The following ARHGEF16 variants were observed in gnomAD, a reference collection of about 807,000 sequenced individuals.
ARHGEF16 encodes Rho guanine nucleotide exchange factor 16.
ARHGEF16 carries 59 observed loss-of-function variants against 74.1 expected under a neutral mutation model. The ratio of observed to expected loss-of-function variants is 0.80; its 90% CI spans 0.65 to 0.99. The LOEUF (loss-of-function observed/expected upper bound fraction) is 0.99, where lower values mean the gene tolerates loss of function less well. Among genes scored for constraint, ARHGEF16 ranks in the 50% least tolerant of loss-of-function variants. The pLI, the probability that ARHGEF16 is intolerant of heterozygous loss-of-function variation, is 0.00. For missense variants in ARHGEF16, 948 were observed against 986.6 expected, an observed-to-expected ratio of 0.96 and a Z score of 0.52; for synonymous variants, 415 against 412.6, an observed-to-expected ratio of 1.01 and a Z score of -0.07.
Position 3,460,674 on chromosome 1 carries a change from C to T in ARHGEF16, c.-19-2392C>T, listed in dbSNP as rs79162847. Among the ~76,000 whole-genome samples, 920 of 152,238 alleles carry T rather than the reference C, an allele frequency of 6.0e-3. 5 individuals carry two copies. The highest frequency in any genetic ancestry group is 9.5e-3 in the Admixed American group (146 of 15,288). ...GCCGGGCCTGGGTAAAACGCAGACA[C>T]CCTACTGTGAGCGGGTGATCCTGGG... On this transcript the variant is annotated intron_variant, in intron 1 of 14. Transcript: ENST00000378378.
At chr1:3,456,119 G>A (rs1003951989) in intron 1 of ARHGEF16, among the ~76,000 whole-genome samples, 3 of 152,198 alleles carry the variant, frequency 2.0e-5, no homozygotes, top group Non-Finnish European at 4.4e-5. Context: ...CCTGGACACT[G>A]GGGAGAAACC....
Position 3,477,900 on chromosome 1 carries a change from G to C in ARHGEF16, c.1499G>C (p.Arg500Pro). ...TCCCTCCCACTGATCTCTGCCTCCC[G>C]GTGGCTGCTGAAGCGCGGAGAGCTG... Reference protein sequence around the residue: ...VKSLPLISASRWLLKRGELFL... With the variant: ...VKSLPLISASPWLLKRGELFL... Residue 500 changes from arginine (R) to proline (P), a missense_variant, in exon 11 of 15, where the codon CGG becomes CCG. Arg to Pro is a moderately radical substitution (Grantham distance 103, BLOSUM62 -2). Coordinates refer to ENST00000378378, the MANE Select transcript of ARHGEF16 (RefSeq NM_014448.4). The C allele has an allele frequency of 6.2e-7, 1 of 1,612,512 alleles. No homozygotes were observed. Among genetic ancestry groups the C allele is most frequent in the Non-Finnish European group, 8.5e-7 (1 of 1,179,850 alleles).
At position 3,463,624 on chromosome 1, in the gene ARHGEF16, G is replaced by A. The variant is rs868411672; in HGVS notation, c.540G>A (p.Leu180=). 9.4e-5 allele frequency: 135 copies of A among 1,429,144 alleles called. No individual in the cohort carries two copies. The Middle Eastern group carries it at 2.8e-3, about 29-fold the overall frequency. The allele number at this position is 1,429,144 out of a possible 1,614,324, so 88.5% of individuals were successfully genotyped here. A position where few individuals can be genotyped will look rare whatever the true frequency, so the allele number is the denominator to read the frequency against. The change falls in exon 2 of 15, where the codon CTG becomes CTA. Residue 180 remains leucine, a synonymous_variant. Coordinates refer to ENST00000378378, the MANE Select transcript of ARHGEF16 (RefSeq NM_014448.4). ...AGCTAAGCCCTAAGCTCCAGGCTCTGGCTGAGGAACCCAGCCAGCCTCATA... is the reference window on the plus strand; with the variant it reads ...AGCTAAGCCCTAAGCTCCAGGCTCTAGCTGAGGAACCCAGCCAGCCTCATA... ...AIQLSPKLQA[L]AEEPSQPHTR... is the part of the protein sequence containing the mutation.
At chr1:3,471,619 G>A (rs61759241) in intron 6 of ARHGEF16, 27,766 of 1,152,206 alleles carry the variant, frequency 0.024, 337 homozygotes, top group Non-Finnish European at 0.027. Flanking sequence ...TGTTCTCTGA[G>A]CTCTGTGTCC....
At position 3,474,586 on chromosome 1, in the gene ARHGEF16, G is replaced by A. The variant is rs561378827; in HGVS notation, c.1306-122G>A. 103 of 880,438 alleles carry A rather than the reference G, an allele frequency of 1.2e-4. No individual in the cohort carries two copies. The African/African-American group carries it at 1.3e-3, about 12-fold the overall frequency. The allele number at this position is 880,438 out of a possible 1,614,324, so 54.5% of individuals were successfully genotyped here. A position where few individuals can be genotyped will look rare whatever the true frequency, so the allele number is the denominator to read the frequency against. On this transcript the variant is annotated intron_variant, in intron 8 of 14. Transcript: ENST00000378378. ...GCTGTACGTGCTGTGGGGCCCTGCA[G>A]GAGCCCCCTGGGGGCAGCTGTTGAC...
chr1:3,462,826 C>T (rs1373674802), intron 1 of ARHGEF16, among the ~76,000 whole-genome samples: 1 of 152,202 alleles, frequency 6.6e-6, no homozygotes, highest in Non-Finnish European at 1.5e-5. Context: ...GGAGAACCAG[C>T]GCCTGCCCAG....
rs1438225464 is a variant in ARHGEF16, at chr1:3,473,533, G to C, written c.1305+11G>C. 14 of 1,605,292 alleles carry C rather than the reference G, an allele frequency of 8.7e-6. No homozygotes were observed. The South Asian group carries it at 1.1e-4, about 13-fold the overall frequency. On this transcript the variant is annotated intron_variant, in intron 8 of 14. Transcript: ENST00000378378. ...CCCCTCCTGATGGATGTAAGTCCAC[G>C]GCCTGAGGGTGGGGCCGGGCATACC...
chr1:3,462,965 C>T, intron 1 of ARHGEF16, 101 bp from the exon 2 acceptor site: 1 of 820,664 alleles, frequency 1.2e-6, no homozygotes, highest in Non-Finnish European at 1.8e-6. Context: ...GGGAGCTGTA[C>T]TGGAGCCCCG....
intron 1 of ARHGEF16, among the ~76,000 whole-genome samples, chr1:3,458,034 C>T (rs1639304849): frequency 6.6e-6 from 1 of 152,180 alleles, no homozygotes; most frequent in African/African-American, 2.4e-5. Context: ...GAGCCAAGTC[C>T]CCTTGCAAGT....
At chr1:3,478,194 C>G in intron 11 of ARHGEF16, 168 bp downstream of exon 11, 1 of 1,049,232 alleles carries the variant, frequency 9.5e-7, no homozygotes, top group Non-Finnish European at 1.4e-6. Flanking sequence ...GCAGGTGGCG[C>G]TCGCTGTGCA....
intron 14 of ARHGEF16, 48 bp from the exon 15 acceptor site, chr1:3,480,400 G>A: frequency 6.2e-7 from 1 of 1,606,238 alleles, no homozygotes; most frequent in Non-Finnish European, 8.5e-7. Flanking sequence ...GGGGCCGGGG[G>A]ACCCACGGCC....
chr1:3,457,242 G>A (rs1453506687), intron 1 of ARHGEF16, among the ~76,000 whole-genome samples: 1 of 152,242 alleles, frequency 6.6e-6, no homozygotes. Flanking sequence ...GAGTACAAGG[G>A]CATCATTGTA....
At chr1:3,472,473 G>T (rs986647756) in intron 6 of ARHGEF16, among the ~76,000 whole-genome samples, 1 of 152,230 alleles carries the variant, frequency 6.6e-6, no homozygotes, top group Admixed American at 6.5e-5. Flanking sequence ...CCCTCAGAAC[G>T]GGGTGGGGGA....
intron 6 of ARHGEF16, among the ~76,000 whole-genome samples, chr1:3,470,629 GCAGGGATGTC>G (rs1639685354): frequency 6.7e-6 from 1 of 149,482 alleles, no homozygotes; most frequent in African/African-American, 2.5e-5. Context: ...GTGTGCGTGG[GCAGGGATGTC>G]TGTGTATCTG....
chr1:3,475,942 C>T, intron 9 of ARHGEF16, 28 bp from the exon 10 acceptor site: 10 of 1,543,032 alleles, frequency 6.5e-6, no homozygotes, highest in Non-Finnish European at 8.8e-6. Context: ...GTAGCACCAG[C>T]CTCTCACACG....
At position 3,467,350 on chromosome 1, in the gene ARHGEF16, G is replaced by A; in HGVS notation, c.804+13G>A. 6.5e-7 allele frequency: 1 copy of A among 1,543,096 alleles called. No individual in the cohort carries two copies. Among genetic ancestry groups the A allele is most frequent in the Middle Eastern group, 1.7e-4 (1 of 5,898 alleles). On this transcript the variant is annotated intron_variant, in intron 4 of 14. Transcript: ENST00000378378. ...CCAGCTCCCAGAGGTAGCGCCGGAG[G>A]GTGGGTGAGGCTGCCCCACAGAGGC...
chr1:3,461,435 C>T (rs764008824), intron 1 of ARHGEF16, among the ~76,000 whole-genome samples: 7 of 152,194 alleles, frequency 4.6e-5, no homozygotes, highest in Non-Finnish European at 8.8e-5. Flanking sequence ...AACTGAGGCA[C>T]GGAGAGGCAG....
intron 10 of ARHGEF16, among the ~76,000 whole-genome samples, chr1:3,476,556 G>T (rs1044845618): frequency 1.1e-4 from 17 of 152,084 alleles, no homozygotes; most frequent in African/African-American, 4.1e-4. Context: ...GCCCAGGCCC[G>T]GGCAGCCCTA....
intron 8 of ARHGEF16, chr1:3,474,477 T>C: frequency 2.0e-6 from 1 of 506,650 alleles, no homozygotes; most frequent in Non-Finnish European, 3.6e-6. Context: ...AAGGGAAGGG[T>C]TCCAGGCAGG....
Sources: gnomAD v4.1 joint callset for allele counts (sites outside exome capture counted in the v4.1 genomes callset) on GRCh38, gnomAD v4.1.1 for gene constraint, MANE v1.5 for transcripts, NCBI Gene and HGNC (gene_info 2026-07-23, HGNC 2026-07-21) for gene names.